PACSIN2: variants seen among roughly 807,000 people sequenced by gnomAD.
PACSIN2 encodes protein kinase C and casein kinase substrate in neurons protein 2.
A neutral mutation model predicts 63.8 loss-of-function variants in PACSIN2; 25 were observed. That is an observed-to-expected ratio of 0.39 (90% CI 0.29 to 0.55). PACSIN2 has a LOEUF of 0.55. Among genes scored for constraint, PACSIN2 ranks in the 20% least tolerant of loss-of-function variants. The pLI is 0.62. For synonymous variants in PACSIN2, 255 were observed against 256.2 expected (o/e 1.00, Z 0.05); for missense variants, 518 against 646.9 (o/e 0.80, Z 2.16).
At position 42,876,256 on chromosome 22, in the gene PACSIN2, G is replaced by A. The variant is rs372279770; in HGVS notation, c.1229C>T (p.Thr410Met). ...DDESNNPFSS[T>M]DANGDSNPFD... ...TGGATTCGAGTCCCCATTGGCATCC[G>A]TGGAGGAGAAGGGGTTGTTAGACTC... Residue 410 changes from threonine to methionine, a missense_variant, in exon 10 of 11, where the codon ACG (threonine) becomes ATG (methionine). Around this residue, in one of 2 missense-constraint regions of PACSIN2, gnomAD observed 507 missense variants for 612.3 expected, o/e 0.83. Transcript: ENST00000263246. The A allele has an allele frequency of 6.5e-5, 105 of 1,614,072 alleles. No individual in the cohort carries two copies. Among genetic ancestry groups the A allele is most frequent in the Non-Finnish European group, 8.3e-5 (98 of 1,180,024 alleles).
chr22:42,919,785 AAAAAAAAAAAAAG>A (rs1427844851), intron 1 of PACSIN2, among the ~76,000 whole-genome samples: 301 of 142,640 alleles, frequency 2.1e-3, no homozygotes, highest in Non-Finnish European at 3.5e-3. Context: ...AAAAAAAAAA[AAAAAAAAAAAAAG>A]AAAGAAAGAA....
chr22:43,011,405 T>C (rs563720047), intron 1 of PACSIN2, among the ~76,000 whole-genome samples: 2 of 152,328 alleles, frequency 1.3e-5, no homozygotes, highest in East Asian at 3.9e-4. Context: ...CCGAGTCAGC[T>C]GGGAGGTTCA....
At chr22:42,967,497 A>G (rs188174280) in intron 1 of PACSIN2, among the ~76,000 whole-genome samples, 23 of 152,328 alleles carry the variant, frequency 1.5e-4, no homozygotes, top group African/African-American at 5.5e-4. Flanking sequence ...AAAAGCCTTA[A>G]ACTAAAGATC....
chr22:42,877,081 C>T, intron 8 of PACSIN2, 71 bp from the exon 9 acceptor site: 1 of 1,542,548 alleles, frequency 6.5e-7, no homozygotes, highest in Non-Finnish European at 8.9e-7. Flanking sequence ...CAACTCCTAG[C>T]TGCAGGATCT....
chr22:42,976,329 A>G (rs181684410), intron 1 of PACSIN2, among the ~76,000 whole-genome samples: 147 of 152,318 alleles, frequency 9.7e-4, no homozygotes, highest in African/African-American at 3.3e-3. Context: ...CAGAAGCTAC[A>G]CCCTGGTGAA....
intron 1 of PACSIN2, among the ~76,000 whole-genome samples, chr22:42,965,119 G>A (rs1222870749): frequency 1.3e-5 from 2 of 152,192 alleles, no homozygotes; most frequent in Non-Finnish European, 2.9e-5. Flanking sequence ...ATGAGCTACT[G>A]ACAGATGTGA....
At chr22:42,930,557 T>C (rs1254334817) in intron 1 of PACSIN2, among the ~76,000 whole-genome samples, 3 of 152,250 alleles carry the variant, frequency 2.0e-5, no homozygotes, top group East Asian at 3.8e-4. Flanking sequence ...AAAATGATTG[T>C]CTTTTAAATT....
chr22:42,905,644 G>A (rs1262655988), intron 2 of PACSIN2, among the ~76,000 whole-genome samples: 1 of 152,268 alleles, frequency 6.6e-6, no homozygotes, highest in African/African-American at 2.4e-5. Flanking sequence ...GAATGGCTGA[G>A]CACGCAGGCC....
intron 2 of PACSIN2, among the ~76,000 whole-genome samples, chr22:42,911,793 T>C (rs1029686903): frequency 6.6e-6 from 1 of 152,218 alleles, no homozygotes; most frequent in Non-Finnish European, 1.5e-5. Context: ...TATCAGCCTT[T>C]CCTAGCAAGG....
At chr22:42,935,530 T>C (rs1932892183) in intron 1 of PACSIN2, among the ~76,000 whole-genome samples, 1 of 152,200 alleles carries the variant, frequency 6.6e-6, no homozygotes, top group Admixed American at 6.5e-5. Context: ...ATGAAGTAAC[T>C]GTACTTAGGC....
intron 1 of PACSIN2, among the ~76,000 whole-genome samples, chr22:42,975,435 A>G (rs1026738465): frequency 4.3e-5 from 6 of 138,698 alleles, no homozygotes; most frequent in African/African-American, 1.5e-4. Flanking sequence ...CCCTGTCTCT[A>G]CAAAAATAAA....
chr22:43,010,667 A>T (rs9623736), intron 1 of PACSIN2, among the ~76,000 whole-genome samples: 1 of 151,450 alleles, frequency 6.6e-6, no homozygotes, highest in African/African-American at 2.4e-5. Context: ...CCAAGATCAC[A>T]CCACAGGGCA....
chr22:42,921,004 C>A (rs377120168), intron 1 of PACSIN2, among the ~76,000 whole-genome samples: 1 of 151,776 alleles, frequency 6.6e-6, no homozygotes, highest in Non-Finnish European at 1.5e-5. Context: ...TCGTATTGCC[C>A]AAGCTGGTCT....
chr22:42,965,447 AAAG>A (rs1196071211), intron 1 of PACSIN2, among the ~76,000 whole-genome samples: 3 of 152,216 alleles, frequency 2.0e-5, no homozygotes, highest in African/African-American at 7.2e-5. Flanking sequence ...AAGGAGGGGA[AAAG>A]AAGGTGAGAA....
chr22:42,990,467 C>T lies in PACSIN2; in HGVS notation c.-78+24554G>A, dbSNP rs112049144. On this transcript the variant is annotated intron_variant, in intron 1 of 10. Transcript: ENST00000263246. ...CTAGCCCCACAGAAGACAAACAGGT[C>T]GGTCATACCATACATGAGGAGTATG... is the stretch of plus-strand genomic sequence containing the variant. 3.9e-3 allele frequency among the ~76,000 whole-genome samples: 599 copies of T among 152,282 alleles called. 3 individuals are homozygous for T. The highest frequency in any genetic ancestry group is 0.014 in the African/African-American group (580 of 41,556).
intron 5 of PACSIN2, among the ~76,000 whole-genome samples, chr22:42,887,714 C>T (rs1317490815): frequency 6.6e-6 from 1 of 152,114 alleles, no homozygotes; most frequent in East Asian, 1.9e-4. Context: ...AAGACGATGA[C>T]GCTGTCTGGT....
intron 1 of PACSIN2, among the ~76,000 whole-genome samples, chr22:42,953,367 C>T (rs1933782195): frequency 6.6e-6 from 1 of 152,060 alleles, no homozygotes; most frequent in South Asian, 2.1e-4. Flanking sequence ...ATAAAAATCT[C>T]ACCAGAAGAA....
At chr22:42,995,713 G>A (rs1021602822) in intron 1 of PACSIN2, among the ~76,000 whole-genome samples, 1 of 152,104 alleles carries the variant, frequency 6.6e-6, no homozygotes, top group African/African-American at 2.4e-5. Context: ...ACCAGACAGA[G>A]GCCTTAAAGC....
chr22:42,878,964 G>A (rs548322392), intron 8 of PACSIN2, 84 bp downstream of exon 8: 8 of 1,462,964 alleles, frequency 5.5e-6, no homozygotes, highest in South Asian at 1.4e-5. Flanking sequence ...AGGTGTCCAG[G>A]CCGGGGCTGC....
Sources: gnomAD v4.1 joint callset for allele counts (sites outside exome capture counted in the v4.1 genomes callset) on GRCh38, gnomAD v4.1.1 for gene constraint, gnomAD v4.1.1 regional missense constraint, MANE v1.5 for transcripts, NCBI Gene and HGNC (gene_info 2026-07-23, HGNC 2026-07-21) for gene names.